The following RBMS3 variants were observed in gnomAD, a reference collection of about 807,000 sequenced individuals.
RBMS3 encodes the protein RNA-binding motif, single-stranded-interacting protein 3.
A neutral mutation model predicts 66.8 loss-of-function variants in RBMS3; 27 were observed. The observed-to-expected ratio is 0.40, with a 90% CI of 0.30 to 0.56. The LOEUF (loss-of-function observed/expected upper bound fraction) is 0.56. Ranked by LOEUF, RBMS3 falls within the 20% of genes least tolerant of loss-of-function variation. The pLI is 0.40. For missense variants in RBMS3, 513 were observed against 549.5 expected (o/e 0.93, Z 0.66); for synonymous variants, 188 against 183.0 (o/e 1.03, Z -0.22).
At chr3:29,788,669 T>G (rs1437552598) in intron 6 of RBMS3, among the ~76,000 whole-genome samples, 1 of 152,240 alleles carries the variant, frequency 6.6e-6, no homozygotes, top group African/African-American at 2.4e-5. Context: ...TTTACAATCT[T>G]TATTTATTGT....
At chr3:29,356,280 C>T (rs1454029539) in intron 1 of RBMS3, among the ~76,000 whole-genome samples, 2 of 152,160 alleles carry the variant, frequency 1.3e-5, no homozygotes, top group Admixed American at 1.3e-4. Flanking sequence ...TGAATAACTA[C>T]TGTGTGCTGT....
intron 1 of RBMS3, among the ~76,000 whole-genome samples, chr3:29,388,716 C>T (rs2039131025): frequency 6.6e-6 from 1 of 152,170 alleles, no homozygotes. Flanking sequence ...CAGGCAACCG[C>T]CACTATGCCC....
chr3:29,658,215 C>A (rs576557070), intron 4 of RBMS3, among the ~76,000 whole-genome samples: 1 of 151,978 alleles, frequency 6.6e-6, no homozygotes, highest in Admixed American at 6.5e-5. Context: ...TATGCATGGC[C>A]GGTAGAAAAC....
intron 13 of RBMS3, 136 bp from the exon 14 acceptor site, chr3:29,990,946 T>TGAGTACTTATTGTGA: frequency 2.7e-6 from 2 of 749,382 alleles, no homozygotes; most frequent in Non-Finnish European, 4.4e-6. Flanking sequence ...GGGTTTCCTC[T>TGAGTACTTATTGTGA]GAGTACTTAT....
chr3:29,362,308 G>T (rs1042390344), intron 1 of RBMS3, among the ~76,000 whole-genome samples: 1 of 151,766 alleles, frequency 6.6e-6, no homozygotes, highest in Non-Finnish European at 1.5e-5. Flanking sequence ...TTTCCTGGAG[G>T]TCCACTCCAG....
At chr3:29,409,298 C>G (rs985841066) in intron 1 of RBMS3, among the ~76,000 whole-genome samples, 1 of 151,516 alleles carries the variant, frequency 6.6e-6, no homozygotes, top group African/African-American at 2.4e-5. Flanking sequence ...GCTGGGACAC[C>G]TCAGTTGCGG....
chr3:29,407,994 T>A (rs1166046785), intron 1 of RBMS3, among the ~76,000 whole-genome samples: 4 of 152,106 alleles, frequency 2.6e-5, no homozygotes, highest in African/African-American at 9.7e-5. Flanking sequence ...GAAAATTGGC[T>A]GGGCACGGTG....
intron 1 of RBMS3, among the ~76,000 whole-genome samples, chr3:29,416,376 A>G (rs2040477606): frequency 6.6e-6 from 1 of 152,064 alleles, no homozygotes; most frequent in African/African-American, 2.4e-5. Context: ...AAAAATGGTC[A>G]ATGGCCATCC....
At chr3:29,981,726 A>G (rs558652544) in intron 12 of RBMS3, among the ~76,000 whole-genome samples, 2 of 152,258 alleles carry the variant, frequency 1.3e-5, no homozygotes, top group Non-Finnish European at 2.9e-5. Flanking sequence ...GTGATGGACT[A>G]CATTTATTGA....
At chr3:29,572,686 T>G (rs752582628) in intron 3 of RBMS3, among the ~76,000 whole-genome samples, 7 of 152,226 alleles carry the variant, frequency 4.6e-5, no homozygotes, top group African/African-American at 7.2e-5. Context: ...TTGTTGAAGA[T>G]TTTTGTGTCA....
rs74524573 is a variant in RBMS3, at chr3:29,715,359, C to T, written c.400-24361C>T. ...AAGTGAGATTAGAGAGACTTAGAAA[C>T]TGGTTAAGTTAGTAAAATCAGTTTT... On this transcript the variant is annotated intron_variant, in intron 4 of 14. Coordinates refer to ENST00000383767, the MANE Select transcript of RBMS3 (RefSeq NM_001003793.3). Among the ~76,000 whole-genome samples the T allele has an allele frequency of 5.6e-3, 855 of 152,254 alleles. 9 individuals are homozygous for T. The highest frequency in any genetic ancestry group is 0.02 in the African/African-American group (823 of 41,566).
At chr3:29,295,559 C>A (rs1445018987) in intron 1 of RBMS3, among the ~76,000 whole-genome samples, 1 of 151,206 alleles carries the variant, frequency 6.6e-6, no homozygotes, top group African/African-American at 2.4e-5. Context: ...AGGTGTGTGT[C>A]TTTTACAGAA....
intron 7 of RBMS3, among the ~76,000 whole-genome samples, chr3:29,880,395 G>T (rs570824769): frequency 6.6e-6 from 1 of 151,992 alleles, no homozygotes; most frequent in African/African-American, 2.4e-5. Flanking sequence ...TTGTTCCAAG[G>T]TATTTTACTT....
intron 1 of RBMS3, among the ~76,000 whole-genome samples, chr3:29,364,766 T>A (rs1388150538): frequency 6.6e-6 from 1 of 152,162 alleles, no homozygotes; most frequent in Non-Finnish European, 1.5e-5. Context: ...AAATTAAACT[T>A]CTTTGTACAC....
chr3:29,290,673 T>C (rs748684376), intron 1 of RBMS3: 2 of 151,898 alleles, frequency 1.3e-5, no homozygotes, highest in African/African-American at 2.4e-5. Context: ...AACTTTATTA[T>C]TTACCTGTTT....
chr3:29,594,800 T>G (rs957648713), intron 4 of RBMS3, among the ~76,000 whole-genome samples: 1 of 152,218 alleles, frequency 6.6e-6, no homozygotes, highest in African/African-American at 2.4e-5. Context: ...CTTAATCCTA[T>G]TCATTAATTA....
intron 1 of RBMS3, among the ~76,000 whole-genome samples, chr3:29,288,217 T>C (rs2032523708): frequency 6.6e-6 from 1 of 152,008 alleles, no homozygotes; most frequent in South Asian, 2.1e-4. Flanking sequence ...CCTGCTTTAG[T>C]ATCTTAGTGG....
chr3:29,474,362 G>A (rs555019426), intron 2 of RBMS3, among the ~76,000 whole-genome samples: 1 of 152,260 alleles, frequency 6.6e-6, no homozygotes, highest in African/African-American at 2.4e-5. Context: ...TCCAGTTTTA[G>A]GCTGCTGATG....
intron 6 of RBMS3, among the ~76,000 whole-genome samples, chr3:29,781,914 A>G (rs958959942): frequency 6.6e-6 from 1 of 151,958 alleles, no homozygotes; most frequent in Non-Finnish European, 1.5e-5. Context: ...GGCAGCCACA[A>G]TCCCCCCGGG....
Sources: allele counts gnomAD v4.1 joint callset (sites outside exome capture counted in the v4.1 genomes callset), GRCh38; gene constraint gnomAD v4.1.1; transcripts MANE v1.5; gene names NCBI Gene and HGNC (gene_info 2026-07-23, HGNC 2026-07-21).